Variants in TRDN observed in about 807,000 individuals in gnomAD.
TRDN encodes the protein triadin in skeletal muscle.
In TRDN, 161 loss-of-function variants were observed where a neutral mutation model predicts 149.7. The ratio of observed to expected loss-of-function variants is 1.08; its 90% CI spans 0.95 to 1.23. The LOEUF (loss-of-function observed/expected upper bound fraction) is 1.23, where lower values mean the gene tolerates loss of function less well. Ranked by LOEUF, TRDN falls within the 50% of genes most tolerant of loss-of-function variation. The probability of loss-of-function intolerance (pLI) is 0.00; values close to 1 mark genes in which losing one functional copy is unlikely to be tolerated. For synonymous variants in TRDN, 294 were observed against 250.5 expected, an observed-to-expected ratio of 1.17 and a Z score of -1.64; for missense variants, 896 against 823.5, an observed-to-expected ratio of 1.09 and a Z score of -1.08.
intron 22 of TRDN, among the ~76,000 whole-genome samples, chr6:123,332,634 A>G (rs147425512): frequency 1.8e-4 from 27 of 152,256 alleles, no homozygotes; most frequent in Non-Finnish European, 3.5e-4. Flanking sequence ...ATAAAACATT[A>G]ACACATTTTA....
intron 6 of TRDN, among the ~76,000 whole-genome samples, chr6:123,514,282 G>A (rs1779319751): frequency 1.3e-5 from 2 of 152,052 alleles, no homozygotes; most frequent in Admixed American, 1.3e-4. Context: ...TTGAACCCCA[G>A]AGGCAGAGGT....
intron 1 of TRDN, among the ~76,000 whole-genome samples, chr6:123,577,351 A>G (rs1292851714): frequency 6.6e-6 from 1 of 151,966 alleles, no homozygotes; most frequent in Admixed American, 6.6e-5. Context: ...CTTTGCATTC[A>G]TGAGTTGTCA....
chr6:123,408,143 T>C (rs951099328), intron 12 of TRDN, among the ~76,000 whole-genome samples: 6 of 152,294 alleles, frequency 3.9e-5, no homozygotes, highest in South Asian at 2.1e-4. Flanking sequence ...AATGAATGCA[T>C]TGAAAATGCT....
intron 22 of TRDN, among the ~76,000 whole-genome samples, chr6:123,335,661 G>C (rs1779834386): frequency 6.6e-6 from 1 of 151,812 alleles, no homozygotes; most frequent in African/African-American, 2.4e-5. Context: ...TAAAAGTTTT[G>C]ATAATTATCA....
At chr6:123,554,185 G>GT (rs763523438) in intron 2 of TRDN, among the ~76,000 whole-genome samples, 297 of 151,016 alleles carry the variant, frequency 2.0e-3, no homozygotes, top group African/African-American at 5.2e-3. Flanking sequence ...TGAGGTAAAG[G>GT]TTTTTTTTTA....
chr6:123,502,496 T>C, intron 8 of TRDN: 2 of 895,200 alleles, frequency 2.2e-6, no homozygotes, highest in East Asian at 2.4e-4. Context: ...TTTTAAAATA[T>C]ATATTTTTAA....
intron 12 of TRDN, among the ~76,000 whole-genome samples, chr6:123,427,609 A>G (rs562823188): frequency 6.6e-6 from 1 of 152,116 alleles, no homozygotes; most frequent in South Asian, 2.1e-4. Context: ...TCTAACTTCC[A>G]CCATGGAGTC....
chr6:123,565,514 T>C (rs1782239440), intron 2 of TRDN, among the ~76,000 whole-genome samples: 1 of 152,214 alleles, frequency 6.6e-6, no homozygotes, highest in Non-Finnish European at 1.5e-5. Flanking sequence ...CTTTGCACAC[T>C]GTCAAAGCAC....
chr6:123,234,881 GTAAT>G (rs1431831408), intron 38 of TRDN, among the ~76,000 whole-genome samples: 1 of 152,104 alleles, frequency 6.6e-6, no homozygotes, highest in African/African-American at 2.4e-5. Flanking sequence ...CTGAAATTCA[GTAAT>G]TAAGTGTGCA....
chr6:123,513,928 A>T (rs1320675654), intron 6 of TRDN, among the ~76,000 whole-genome samples: 1 of 152,130 alleles, frequency 6.6e-6, no homozygotes, highest in African/African-American at 2.4e-5. Context: ...CATACTCTGG[A>T]TGCATAAATC....
At position 123,321,448 on chromosome 6, in the gene TRDN, AC is replaced by A. The variant is rs1779241901; in HGVS notation, c.1472-4954del. Among the ~76,000 whole-genome samples the A allele has an allele frequency of 2.0e-5, 3 of 152,084 alleles. No homozygotes were observed. In the South Asian group the frequency reaches 6.2e-4, roughly 32 times the overall value. On this transcript the variant is annotated intron_variant, in intron 23 of 40. Coordinates refer to ENST00000334268, the MANE Select transcript of TRDN (RefSeq NM_006073.4). ...AACCCATGGTTTTTCCATCATTTGG[AC>A]CTTTTTTTATTCAGGATCTCCTGAA...
intron 9 of TRDN, among the ~76,000 whole-genome samples, chr6:123,489,281 C>A (rs1035984540): frequency 6.6e-6 from 1 of 151,900 alleles, no homozygotes; most frequent in Non-Finnish European, 1.5e-5. Context: ...TTTAAACAAT[C>A]TTAAGTAATA....
intron 1 of TRDN, among the ~76,000 whole-genome samples, chr6:123,596,128 G>T (rs1178932911): frequency 6.6e-6 from 1 of 152,032 alleles, no homozygotes; most frequent in African/African-American, 2.4e-5. Context: ...GTGCTACCCT[G>T]GTGAGGACAT....
At chr6:123,456,765 T>G (rs1429660701) in intron 10 of TRDN, 9 of 455,438 alleles carry the variant, frequency 2.0e-5, no homozygotes, top group African/African-American at 1.8e-4. Context: ...TATCCTTTAT[T>G]AAATGAGCAA....
intron 12 of TRDN, among the ~76,000 whole-genome samples, chr6:123,398,553 T>TA (rs1298852893): frequency 2.0e-5 from 3 of 152,218 alleles, no homozygotes; most frequent in Non-Finnish European, 4.4e-5. Context: ...TCTATTCTTA[T>TA]AAAATCCAGT....
chr6:123,401,691 T>C (rs1304269615), intron 12 of TRDN, among the ~76,000 whole-genome samples: 1 of 152,116 alleles, frequency 6.6e-6, no homozygotes, highest in East Asian at 1.9e-4. Context: ...ATGCCTATAA[T>C]CCCAGCACTT....
At chr6:123,265,693 C>T (rs1426061113) in intron 32 of TRDN, among the ~76,000 whole-genome samples, 19 of 98,308 alleles carry the variant, frequency 1.9e-4, no homozygotes, top group Non-Finnish European at 8.0e-5. Flanking sequence ...TTTTGGAATA[C>T]ATATTAATAT....
At chr6:123,461,125 T>C (rs1440378517) in intron 10 of TRDN, among the ~76,000 whole-genome samples, 1 of 152,104 alleles carries the variant, frequency 6.6e-6, no homozygotes, top group African/African-American at 2.4e-5. Flanking sequence ...GTGTGAAATC[T>C]TTGGGTATAA....
intron 23 of TRDN, among the ~76,000 whole-genome samples, chr6:123,325,089 T>C (rs1779390670): frequency 6.6e-6 from 1 of 152,232 alleles, no homozygotes; most frequent in African/African-American, 2.4e-5. Context: ...AATAAAATTA[T>C]TACAAAGACA....
Sources: gnomAD v4.1 joint callset for allele counts (sites outside exome capture counted in the v4.1 genomes callset) on GRCh38, gnomAD v4.1.1 for gene constraint, MANE v1.5 for transcripts, NCBI Gene and HGNC (gene_info 2026-07-23, HGNC 2026-07-21) for gene names.